AIG1: variants seen among roughly 807,000 people sequenced by gnomAD.
The protein encoded by AIG1 is androgen-induced gene 1 protein.
A neutral mutation model predicts 31.4 loss-of-function variants in AIG1; 23 were observed. The ratio of observed to expected loss-of-function variants is 0.73; its 90% CI spans 0.53 to 1.04. The LOEUF is 1.04. Ranked by LOEUF, AIG1 falls within the 50% of genes least tolerant of loss-of-function variation. The pLI is 0.00. For synonymous variants in AIG1, 100 were observed against 110.5 expected, an observed-to-expected ratio of 0.90 and a Z score of 0.60; for missense variants, 274 against 295.0, an observed-to-expected ratio of 0.93 and a Z score of 0.52.
At chr6:143,233,086 T>A (rs897198111) in intron 3 of AIG1, among the ~76,000 whole-genome samples, 1 of 152,000 alleles carries the variant, frequency 6.6e-6, no homozygotes, top group African/African-American at 2.4e-5. Context: ...GGAGTTGATA[T>A]CCATGAGTCT....
chr6:143,167,014 A>G (rs1449691707), intron 3 of AIG1, among the ~76,000 whole-genome samples: 2 of 152,226 alleles, frequency 1.3e-5, no homozygotes, highest in South Asian at 2.1e-4. Context: ...AACAAAATGT[A>G]AGAGGAACAT....
intron 3 of AIG1, among the ~76,000 whole-genome samples, chr6:143,199,170 GATTGCAATGA>G (rs1444501898): frequency 6.6e-6 from 1 of 152,106 alleles, no homozygotes; most frequent in African/African-American, 2.4e-5. Flanking sequence ...TGAATAAAAT[GATTGCAATGA>G]ATTGAGAATA....
chr6:143,287,954 A>G (rs942114268), intron 4 of AIG1, among the ~76,000 whole-genome samples: 2 of 152,142 alleles, frequency 1.3e-5, no homozygotes, highest in Admixed American at 6.5e-5. Context: ...GGGATATGAA[A>G]ATATCTTTTT....
chr6:143,151,520 G>A (rs918862926), intron 2 of AIG1, among the ~76,000 whole-genome samples: 21 of 152,134 alleles, frequency 1.4e-4, no homozygotes, highest in Non-Finnish European at 2.5e-4. Flanking sequence ...CATAGCCTTC[G>A]TCCTCTCCTA....
intron 3 of AIG1, among the ~76,000 whole-genome samples, chr6:143,203,783 A>G (rs1362504188): frequency 2.0e-5 from 3 of 152,198 alleles, no homozygotes; most frequent in African/African-American, 7.2e-5. Context: ...ACAACAAAGA[A>G]GGGACCTTAT....
chr6:143,150,757 G>A (rs1785152828), intron 2 of AIG1, among the ~76,000 whole-genome samples: 1 of 152,182 alleles, frequency 6.6e-6, no homozygotes, highest in African/African-American at 2.4e-5. Context: ...CCCACATGAA[G>A]TAGATTTACA....
chr6:143,199,461 C>T (rs934934918), intron 3 of AIG1, among the ~76,000 whole-genome samples: 10 of 152,196 alleles, frequency 6.6e-5, no homozygotes, highest in Non-Finnish European at 1.0e-4. Flanking sequence ...ATTCTTTCTA[C>T]TTTTATGTGT....
intron 2 of AIG1, among the ~76,000 whole-genome samples, chr6:143,163,199 A>G (rs1786578969): frequency 6.6e-6 from 1 of 152,234 alleles, no homozygotes; most frequent in Admixed American, 6.5e-5. Context: ...ATTGGAGCAC[A>G]TGATCAGCCC....
intron 3 of AIG1, among the ~76,000 whole-genome samples, chr6:143,183,309 C>T (rs1161828319): frequency 6.6e-6 from 1 of 151,752 alleles, no homozygotes; most frequent in African/African-American, 2.4e-5. Context: ...GATTCCCCTG[C>T]CTCAGCCTCC....
intron 2 of AIG1, among the ~76,000 whole-genome samples, chr6:143,156,824 G>A (rs1014955070): frequency 8.5e-5 from 13 of 152,202 alleles, no homozygotes; most frequent in Admixed American, 2.6e-4. Flanking sequence ...ATATCCTTGC[G>A]TTAGCCAGTC....
At chr6:143,080,173 G>T (rs756900765) in intron 1 of AIG1, among the ~76,000 whole-genome samples, 7 of 152,130 alleles carry the variant, frequency 4.6e-5, no homozygotes, top group Non-Finnish European at 8.8e-5. Context: ...GGGGAGGTTG[G>T]CTGACAACCG....
intron 3 of AIG1, among the ~76,000 whole-genome samples, chr6:143,197,256 C>A (rs1006043626): frequency 2.6e-5 from 4 of 151,562 alleles, no homozygotes; most frequent in African/African-American, 9.7e-5. Context: ...TTTTGTACAT[C>A]AAAACTTTTT....
chr6:143,169,863 A>AT (rs2128571047), intron 3 of AIG1, among the ~76,000 whole-genome samples: 1 of 152,196 alleles, frequency 6.6e-6, no homozygotes, highest in Non-Finnish European at 1.5e-5. Context: ...TGAGATAATC[A>AT]TTTGGGTTTT....
At chr6:143,080,977 A>G (rs1583099080) in intron 1 of AIG1, among the ~76,000 whole-genome samples, 1 of 152,272 alleles carries the variant, frequency 6.6e-6, no homozygotes, top group African/African-American at 2.4e-5. Context: ...GTTCCCTGTA[A>G]TGTTTTAAGA....
In AIG1 at chr6:143,232,633, G is replaced by A. The variant is rs1429363662; in HGVS notation, c.400-51477G>A. On this transcript the variant is annotated intron_variant, in intron 3 of 5. Transcript: ENST00000357847. ...GCCCATCTTTTCTAAAGAGGCAAAT[G>A]TCTTGAGTAGGTTACATGTTTTTAT... 2.0e-5 allele frequency among the ~76,000 whole-genome samples: 3 copies of A among 152,174 alleles called. No individual in the cohort carries two copies. The South Asian group carries it at 6.2e-4, about 32-fold the overall frequency.
At chr6:143,335,185 A>G (rs1777379954) in intron 5 of AIG1, 4 of 1,288,976 alleles carry the variant, frequency 3.1e-6, no homozygotes, top group East Asian at 6.0e-5. Flanking sequence ...TCTACCTATC[A>G]AGTTCTGTTA....
intron 3 of AIG1, among the ~76,000 whole-genome samples, chr6:143,233,930 G>A (rs1328089819): frequency 6.6e-6 from 1 of 152,118 alleles, no homozygotes; most frequent in African/African-American, 2.4e-5. Context: ...TTTTTCTCTA[G>A]CATGCACATA....
In AIG1 at chr6:143,238,588, TA is replaced by T. The variant is rs532818727; in HGVS notation, c.400-45513del. On this transcript the variant is annotated intron_variant, in intron 3 of 5. Coordinates refer to ENST00000357847, the MANE Select transcript of AIG1 (RefSeq NM_016108.4). ...TGAGGTCATGGGATCTCTACCAGCT[TA>T]AAAAAAAATTATGTTTCATTTGAAA... Among the ~76,000 whole-genome samples, 17 of 151,598 alleles carry T rather than the reference TA, an allele frequency of 1.1e-4. No individual in the cohort carries two copies. The East Asian group carries it at 1.7e-3, about 16-fold the overall frequency.
At chr6:143,194,751 G>C (rs897683495) in intron 3 of AIG1, among the ~76,000 whole-genome samples, 5 of 152,158 alleles carry the variant, frequency 3.3e-5, no homozygotes, top group African/African-American at 4.8e-5. Flanking sequence ...CGTCACGGCA[G>C]GTGGCCCCCA....
Sources: gnomAD v4.1 joint callset for allele counts (sites outside exome capture counted in the v4.1 genomes callset) on GRCh38, gnomAD v4.1.1 for gene constraint, MANE v1.5 for transcripts, NCBI Gene and HGNC (gene_info 2026-07-23, HGNC 2026-07-21) for gene names.